The following SDK1 variants were observed in gnomAD, a reference collection of about 807,000 sequenced individuals.
SDK1 encodes protein sidekick-1.
A neutral mutation model predicts 245.5 loss-of-function variants in SDK1; 157 were observed. The ratio of observed to expected loss-of-function variants is 0.64; its 90% CI spans 0.56 to 0.73. The LOEUF is 0.73. Among genes scored for constraint, SDK1 ranks in the 30% least tolerant of loss-of-function variants. SDK1 has a pLI of 0.00. For synonymous variants in SDK1, 1,647 were observed against 1,278.5 expected, an observed-to-expected ratio of 1.29 and a Z score of -6.15; for missense variants, 3,583 against 3,002.3, an observed-to-expected ratio of 1.19 and a Z score of -4.52.
chr7:3,591,590 G>T (rs1054494280), intron 1 of SDK1, among the ~76,000 whole-genome samples: 2 of 152,212 alleles, frequency 1.3e-5, no homozygotes, highest in African/African-American at 4.8e-5. Context: ...GAAAGAACAT[G>T]CGACCAGTGC....
intron 1 of SDK1, among the ~76,000 whole-genome samples, chr7:3,523,961 T>C (rs1008493372): frequency 1.3e-5 from 2 of 152,302 alleles, no homozygotes; most frequent in African/African-American, 4.8e-5. Context: ...CTCCTTTGAG[T>C]CTGGATCCTT....
At chr7:3,476,357 A>C (rs908787004) in intron 1 of SDK1, among the ~76,000 whole-genome samples, 1 of 152,178 alleles carries the variant, frequency 6.6e-6, no homozygotes, top group African/African-American at 2.4e-5. Context: ...CGCATCTAAC[A>C]CTACCAGGGC....
At chr7:4,185,949 G>C (rs542532380) in intron 35 of SDK1, among the ~76,000 whole-genome samples, 1 of 152,058 alleles carries the variant, frequency 6.6e-6, no homozygotes, top group Admixed American at 6.5e-5. Flanking sequence ...AGTGACCCCT[G>C]AGCTCTAAGG....
In SDK1 at chr7:3,661,336, C is replaced by T. The variant is rs1306592917; in HGVS notation, c.713+19231C>T. On this transcript the variant is annotated intron_variant, in intron 4 of 44. Coordinates refer to ENST00000404826, the MANE Select transcript of SDK1 (RefSeq NM_152744.4). ...TTTTAGTTAAATGTAAGAATTTTGT[C>T]TATGGAAATGCATGCAAAACAGTAC... Among the ~76,000 whole-genome samples, 4 of 152,140 alleles carry T rather than the reference C, an allele frequency of 2.6e-5. No individual in the cohort carries two copies. In the East Asian group the frequency reaches 5.8e-4, roughly 22 times the overall value.
At chr7:3,969,850 ATGTT>A (rs1196801656) in intron 11 of SDK1, among the ~76,000 whole-genome samples, 2 of 152,238 alleles carry the variant, frequency 1.3e-5, no homozygotes, top group African/African-American at 4.8e-5. Flanking sequence ...TGTTTCTTGT[ATGTT>A]AGGAGTGAAC....
At chr7:4,207,927 G>A (rs1784316404) in intron 36 of SDK1, among the ~76,000 whole-genome samples, 172 bp from the exon 37 acceptor site, 1 of 152,106 alleles carries the variant, frequency 6.6e-6, no homozygotes, top group Admixed American at 6.6e-5. Flanking sequence ...TCCATACACA[G>A]TAGCCTCAGC....
chr7:4,267,821 C>G lies in SDK1; in HGVS notation c.*2437C>G, dbSNP rs1011125256. On this transcript the variant is annotated 3_prime_UTR_variant, in exon 45 of 45. Coordinates refer to ENST00000404826, the MANE Select transcript of SDK1 (RefSeq NM_152744.4). Reference sequence around the variant, plus strand: ...CGGAGCGGCCTGTCCGAGGCTACGCCGGCCTCCTGGCTGCTGCTGGACTGT... The same window carrying G: ...CGGAGCGGCCTGTCCGAGGCTACGCGGGCCTCCTGGCTGCTGCTGGACTGT... 6.1e-6 allele frequency: 6 copies of G among 985,488 alleles called. No individual in the cohort carries two copies. In the African/African-American group the frequency reaches 7.0e-5, roughly 11 times the overall value. The allele number at this position is 985,488 out of a possible 1,614,324, so 61.0% of individuals were successfully genotyped here.
intron 4 of SDK1, among the ~76,000 whole-genome samples, chr7:3,758,242 T>G (rs1283492293): frequency 6.6e-6 from 1 of 152,256 alleles, no homozygotes; most frequent in Non-Finnish European, 1.5e-5. Context: ...CCACCCATTT[T>G]AGCATTCGGC....
chr7:3,910,473 C>A (rs547559952), intron 5 of SDK1, among the ~76,000 whole-genome samples: 2 of 152,268 alleles, frequency 1.3e-5, no homozygotes, highest in South Asian at 2.1e-4. Context: ...CATCTGTGTC[C>A]TTAGCATTTT....
rs191448887 is a variant in SDK1 at position 3,354,277 on chromosome 7, G to A, written c.298+52393G>A. On this transcript the variant is annotated intron_variant, in intron 1 of 44. Coordinates refer to ENST00000404826, the MANE Select transcript of SDK1 (RefSeq NM_152744.4). ...CCTCCCAAAGTGCTGGGATTACAGC[G>A]CCTGGCCTGACCATTTTTCATTTAA... 4.2e-3 allele frequency among the ~76,000 whole-genome samples: 640 copies of A among 151,544 alleles called. 7 individuals are homozygous for A. The highest frequency in any genetic ancestry group is 0.018 in the South Asian group (86 of 4,804).
intron 5 of SDK1, among the ~76,000 whole-genome samples, chr7:3,845,566 G>A (rs979930650): frequency 7.3e-5 from 11 of 150,464 alleles, no homozygotes; most frequent in Admixed American, 2.6e-4. Flanking sequence ...ATTTGGGTAC[G>A]TTAGGCAGGC....
Position 4,078,182 on chromosome 7 carries a change from C to T in SDK1, c.3202+993C>T, listed in dbSNP as rs183852037. ...CAGGGAGGCACTGGAGTTGCTGTTC[C>T]GTCATTGCCAAGGCTGAACGCTTGT... is the stretch of plus-strand genomic sequence containing the variant. On this transcript the variant is annotated intron_variant, in intron 21 of 44. Coordinates refer to ENST00000404826, the MANE Select transcript of SDK1 (RefSeq NM_152744.4). Among the ~76,000 whole-genome samples, 10 of 152,256 alleles carry T rather than the reference C, an allele frequency of 6.6e-5. No individual in the cohort carries two copies. In the East Asian group the frequency reaches 1.4e-3, roughly 21 times the overall value.
intron 5 of SDK1, among the ~76,000 whole-genome samples, chr7:3,885,261 G>A (rs1010928926): frequency 1.3e-5 from 2 of 152,130 alleles, no homozygotes; most frequent in African/African-American, 2.4e-5. Flanking sequence ...ACTCTAGGCC[G>A]GCTGCTTTGG....
intron 35 of SDK1, among the ~76,000 whole-genome samples, chr7:4,191,721 G>C (rs1031215526): frequency 6.6e-6 from 1 of 152,260 alleles, no homozygotes; most frequent in Non-Finnish European, 1.5e-5. Context: ...GCAAGGGTTA[G>C]GGTCTCCTGT....
At chr7:3,905,508 G>C (rs1309312457) in intron 5 of SDK1, among the ~76,000 whole-genome samples, 3 of 151,864 alleles carry the variant, frequency 2.0e-5, no homozygotes, top group East Asian at 3.8e-4. Context: ...CTTTCCCTAT[G>C]GTTTTTAGGG....
At position 3,686,060 on chromosome 7, in the gene SDK1, A is replaced by G. The variant is rs1295002380; in HGVS notation, c.713+43955A>G. Among the ~76,000 whole-genome samples the G allele has an allele frequency of 2.2e-5, 3 of 137,464 alleles. No homozygotes were observed. In the East Asian group the frequency reaches 6.1e-4, roughly 28 times the overall value. 90.2% of individuals were successfully genotyped at this position (137,464 alleles called of 152,430 possible). A position where few individuals can be genotyped will look rare whatever the true frequency, so the allele number is the denominator to read the frequency against. On this transcript the variant is annotated intron_variant, in intron 4 of 44. Coordinates refer to ENST00000404826, the MANE Select transcript of SDK1 (RefSeq NM_152744.4). Reference sequence around the variant, plus strand: ...AGAAAGTAAAAGACTAGAAAATGACATATGAGGCAAACTTTTTTTTATTTT... The same window carrying G: ...AGAAAGTAAAAGACTAGAAAATGACGTATGAGGCAAACTTTTTTTTATTTT...
intron 40 of SDK1, among the ~76,000 whole-genome samples, chr7:4,223,051 C>T (rs13236277): frequency 6.6e-6 from 1 of 151,554 alleles, no homozygotes; most frequent in Admixed American, 6.6e-5. Flanking sequence ...CTCAACTCTT[C>T]CAGCCTGGGT....
intron 1 of SDK1, among the ~76,000 whole-genome samples, chr7:3,548,947 G>A (rs1035180618): frequency 1.3e-5 from 2 of 152,164 alleles, no homozygotes; most frequent in African/African-American, 4.8e-5. Flanking sequence ...CAGCCATATA[G>A]AACAACAACA....
chr7:3,620,718 G>A (rs1781911003), intron 2 of SDK1, among the ~76,000 whole-genome samples: 1 of 152,132 alleles, frequency 6.6e-6, no homozygotes, highest in African/African-American at 2.4e-5. Context: ...ATCAGGAGCA[G>A]GCGGCTGAGC....
Sources: allele counts gnomAD v4.1 joint callset (sites outside exome capture counted in the v4.1 genomes callset), GRCh38; gene constraint gnomAD v4.1.1; transcripts MANE v1.5; gene names NCBI Gene and HGNC (gene_info 2026-07-23, HGNC 2026-07-21).